The following KAZN variants were observed in gnomAD, a reference collection of about 807,000 sequenced individuals.
The protein encoded by KAZN is kazrin, periplakin interacting protein.
Under a neutral mutation model 87.4 loss-of-function variants are expected in KAZN, and 40 were observed. The observed-to-expected ratio is 0.46, with a 90% CI of 0.36 to 0.60. KAZN has a LOEUF of 0.60. Among genes scored for constraint, KAZN ranks in the 20% least tolerant of loss-of-function variants. The probability of loss-of-function intolerance (pLI) is 0.00; values close to 1 mark genes in which losing one functional copy is unlikely to be tolerated. For synonymous variants in KAZN, 466 were observed against 458.3 expected (o/e 1.02, Z -0.22); for missense variants, 898 against 1,073.9 (o/e 0.84, Z 2.29).
At chr1:14,610,516 C>T (rs1307703363) in intron 1 of KAZN, among the ~76,000 whole-genome samples, 1 of 152,158 alleles carries the variant, frequency 6.6e-6, no homozygotes, top group African/African-American at 2.4e-5. Flanking sequence ...AGCCACCATG[C>T]CTGGCCCTAG....
intron 2 of KAZN, among the ~76,000 whole-genome samples, chr1:14,563,248 A>G (rs904974344): frequency 6.6e-6 from 1 of 152,216 alleles, no homozygotes; most frequent in Non-Finnish European, 1.5e-5. Context: ...TTCAATCACC[A>G]GTAGCTCCTG....
intron 2 of KAZN, among the ~76,000 whole-genome samples, chr1:14,446,235 T>C (rs1388839658): frequency 6.6e-6 from 1 of 152,076 alleles, no homozygotes; most frequent in Non-Finnish European, 1.5e-5. Flanking sequence ...ACTGGAATGC[T>C]GCGTGCTAAT....
At chr1:14,798,060 T>C (rs1196977735) in intron 1 of KAZN, among the ~76,000 whole-genome samples, 1 of 152,096 alleles carries the variant, frequency 6.6e-6, no homozygotes, top group Admixed American at 6.6e-5. Context: ...TTAAGAAAAC[T>C]GTCTGAGTCA....
chr1:14,690,174 G>A (rs1641201623), intron 1 of KAZN, among the ~76,000 whole-genome samples: 1 of 152,174 alleles, frequency 6.6e-6, no homozygotes. Flanking sequence ...CTCCGCCGCG[G>A]CAGTGCTCAT....
chr1:14,296,988 G>A (rs769987882), intron 2 of KAZN, among the ~76,000 whole-genome samples: 1 of 152,142 alleles, frequency 6.6e-6, no homozygotes, highest in Non-Finnish European at 1.5e-5. Context: ...ATATTTGTGT[G>A]CATATGTGCA....
intron 2 of KAZN, among the ~76,000 whole-genome samples, chr1:14,491,210 G>C (rs1434320901): frequency 6.6e-6 from 1 of 152,116 alleles, no homozygotes; most frequent in Non-Finnish European, 1.5e-5. Flanking sequence ...GGTTAATGCT[G>C]TTATAAGCAA....
intron 2 of KAZN, among the ~76,000 whole-genome samples, chr1:14,326,563 A>G (rs1409425904): frequency 6.6e-6 from 1 of 152,008 alleles, no homozygotes; most frequent in African/African-American, 2.4e-5. Flanking sequence ...AAGCCCTCCA[A>G]TGGTTCCCCA....
At chr1:14,398,677 C>CT (rs1320731481) in intron 2 of KAZN, among the ~76,000 whole-genome samples, 4 of 152,188 alleles carry the variant, frequency 2.6e-5, no homozygotes, top group African/African-American at 9.7e-5. Flanking sequence ...TTAGAATTCT[C>CT]TGAGATGACT....
chr1:14,315,907 G>A lies in KAZN; in HGVS notation c.249+135315G>A, dbSNP rs185878465. ...GAACATTTTTTTTTTATATTTTGGGGGTATATAGTGCAAGTGGAATTGCTA... is the reference window on the plus strand; with the variant it reads ...GAACATTTTTTTTTTATATTTTGGGAGTATATAGTGCAAGTGGAATTGCTA... On this transcript the variant is annotated intron_variant, in intron 2 of 16. Coordinates refer to the KAZN transcript ENST00000636203. Among the ~76,000 whole-genome samples, 650 of 151,786 alleles carry A rather than the reference G, an allele frequency of 4.3e-3. 4 individuals carry two copies. Among genetic ancestry groups the A allele is most frequent in the African/African-American group, 0.015 (611 of 41,400 alleles).
At chr1:14,372,534 T>A (rs1660575990) in intron 2 of KAZN, among the ~76,000 whole-genome samples, 1 of 152,182 alleles carries the variant, frequency 6.6e-6, no homozygotes, top group South Asian at 2.1e-4. Flanking sequence ...CCAACCCAGG[T>A]GCAAAAATTG....
At chr1:14,197,933 A>G (rs1314353864) in intron 2 of KAZN, among the ~76,000 whole-genome samples, 2 of 152,164 alleles carry the variant, frequency 1.3e-5, no homozygotes, top group African/African-American at 4.8e-5. Flanking sequence ...TGTGGTCATA[A>G]TGGCTGGAGT....
intron 1 of KAZN, among the ~76,000 whole-genome samples, chr1:14,060,062 GTA>G (rs1467783282): frequency 4.6e-5 from 7 of 152,068 alleles, no homozygotes; most frequent in Admixed American, 4.6e-4. Context: ...TTCCATGATT[GTA>G]TAGTTCTTTT....
In KAZN at chr1:14,806,061, C is replaced by T. The variant is rs115922819; in HGVS notation, c.227-154623C>T. Among the ~76,000 whole-genome samples the T allele has an allele frequency of 5.7e-3, 870 of 152,270 alleles. 8 individuals are homozygous for T. Among genetic ancestry groups the T allele is most frequent in the African/African-American group, 0.019 (782 of 41,544 alleles). ...TCTCTTGTTTCAGTGTTCCTGGAGG[C>T]CAGACTATAACATAAATGTGAGGGC... On this transcript the variant is annotated intron_variant, in intron 1 of 14. Transcript: ENST00000376030.
chr1:14,979,334 A>T (rs888853808), intron 2 of KAZN, among the ~76,000 whole-genome samples: 17 of 151,796 alleles, frequency 1.1e-4, no homozygotes, highest in African/African-American at 3.9e-4. Context: ...GCTTGAACCC[A>T]GGAGGCAGAG....
intron 2 of KAZN, among the ~76,000 whole-genome samples, chr1:14,242,769 C>A (rs570875050): frequency 1.3e-5 from 2 of 152,328 alleles, no homozygotes; most frequent in South Asian, 4.2e-4. Flanking sequence ...TCTCAGAAAG[C>A]TCTGTTTCCC....
chr1:14,983,170 A>G (rs192535811), intron 2 of KAZN, among the ~76,000 whole-genome samples: 74 of 152,334 alleles, frequency 4.9e-4, no homozygotes, highest in African/African-American at 1.7e-3. Flanking sequence ...CCGCAGTGCC[A>G]GAATTTCATC....
At chr1:14,925,095 A>G (rs1426409063) in intron 1 of KAZN, among the ~76,000 whole-genome samples, 1 of 152,232 alleles carries the variant, frequency 6.6e-6, no homozygotes, top group Admixed American at 6.5e-5. Context: ...GAGAAATTGC[A>G]GAGGTGGAGA....
chr1:14,468,941 A>G (rs755421539), intron 2 of KAZN, among the ~76,000 whole-genome samples: 13 of 152,298 alleles, frequency 8.5e-5, no homozygotes, highest in Non-Finnish European at 1.5e-4. Context: ...TCATCTTGGT[A>G]TCAGGGATGA....
intron 1 of KAZN, among the ~76,000 whole-genome samples, chr1:14,615,314 C>T (rs1678146382): frequency 6.6e-6 from 1 of 152,116 alleles, no homozygotes; most frequent in African/African-American, 2.4e-5. Flanking sequence ...CTCGAGCCTG[C>T]AACTAAGAGG....
Sources: gnomAD v4.1 joint callset for allele counts (sites outside exome capture counted in the v4.1 genomes callset) on GRCh38, gnomAD v4.1.1 for gene constraint, MANE v1.5 for transcripts, NCBI Gene and HGNC (gene_info 2026-07-23, HGNC 2026-07-21) for gene names.